The following PTPRD variants were observed in gnomAD, a reference collection of about 807,000 sequenced individuals.
PTPRD encodes the protein protein tyrosine phosphatase receptor type D.
In PTPRD, 34 loss-of-function variants were observed where a neutral mutation model predicts 214.5. The observed-to-expected ratio is 0.16, with a 90% CI of 0.12 to 0.21. PTPRD has a LOEUF of 0.21. Ranked by LOEUF, PTPRD falls within the 10% of genes least tolerant of loss-of-function variation. The pLI, the probability that PTPRD is intolerant of heterozygous loss-of-function variation, is 1.00. For synonymous variants in PTPRD, 1,128 were observed against 845.7 expected (o/e 1.33, Z -5.79); for missense variants, 2,545 against 2,398.7 (o/e 1.06, Z -1.27).
intron 5 of PTPRD, among the ~76,000 whole-genome samples, chr9:9,856,770 C>T (rs2061636823): frequency 6.6e-6 from 1 of 152,104 alleles, no homozygotes; most frequent in Admixed American, 6.6e-5. Context: ...TCTGTATTCC[C>T]CCTTCTTTCT....
intron 7 of PTPRD, among the ~76,000 whole-genome samples, chr9:9,647,156 A>C (rs1264470868): frequency 2.0e-5 from 3 of 152,048 alleles, no homozygotes; most frequent in Non-Finnish European, 2.9e-5. Flanking sequence ...GAGGTTTTAA[A>C]TCTAATTATT....
intron 2 of PTPRD, among the ~76,000 whole-genome samples, chr9:10,446,781 G>A (rs562248255): frequency 6.6e-6 from 1 of 152,186 alleles, no homozygotes; most frequent in Non-Finnish European, 1.5e-5. Context: ...AATATTACGG[G>A]TATTTAAAAG....
At chr9:9,007,097 G>C (rs143131819) in intron 11 of PTPRD, among the ~76,000 whole-genome samples, 2 of 151,954 alleles carry the variant, frequency 1.3e-5, no homozygotes, top group South Asian at 2.1e-4. Context: ...AAAATACTGT[G>C]TGTGCTCCCA....
chr9:9,781,829 G>T (rs953079228), intron 5 of PTPRD, among the ~76,000 whole-genome samples: 4 of 143,560 alleles, frequency 2.8e-5, no homozygotes, highest in Non-Finnish European at 1.5e-5. Flanking sequence ...GTCTCGCTCT[G>T]TCGCCCAGGC....
At chr9:9,426,746 T>C (rs1472899303) in intron 8 of PTPRD, among the ~76,000 whole-genome samples, 1 of 152,114 alleles carries the variant, frequency 6.6e-6, no homozygotes, top group African/African-American at 2.4e-5. Flanking sequence ...TTTGCCGTTC[T>C]GCAATATTCA....
At chr9:8,680,414 G>A (rs1161137337) in intron 12 of PTPRD, among the ~76,000 whole-genome samples, 2 of 152,130 alleles carry the variant, frequency 1.3e-5, no homozygotes, top group Non-Finnish European at 2.9e-5. Context: ...TCAGCTACTG[G>A]TGTGTCTTCT....
At chr9:9,516,371 C>T (rs896466033) in intron 8 of PTPRD, among the ~76,000 whole-genome samples, 1 of 151,940 alleles carries the variant, frequency 6.6e-6, no homozygotes, top group African/African-American at 2.4e-5. Flanking sequence ...GTTATGACAG[C>T]CTCTACGTTG....
At chr9:8,758,388 A>G (rs996603982) in intron 11 of PTPRD, among the ~76,000 whole-genome samples, 29 of 152,306 alleles carry the variant, frequency 1.9e-4, no homozygotes, top group African/African-American at 7.0e-4. Flanking sequence ...CAGGATGGGA[A>G]AAGCTGATAC....
At chr9:10,392,604 G>T (rs1051481560) in intron 2 of PTPRD, among the ~76,000 whole-genome samples, 1 of 151,844 alleles carries the variant, frequency 6.6e-6, no homozygotes, top group Non-Finnish European at 1.5e-5. Context: ...AGGAAAGATG[G>T]CTACACAATA....
intron 11 of PTPRD, among the ~76,000 whole-genome samples, chr9:8,868,365 A>AC (rs1566732077): frequency 6.6e-6 from 1 of 151,172 alleles, no homozygotes; most frequent in Non-Finnish European, 1.5e-5. Flanking sequence ...CACCTAACTA[A>AC]TTTTTTTTTG....
At chr9:10,351,560 C>A (rs948834440) in intron 2 of PTPRD, among the ~76,000 whole-genome samples, 2 of 151,870 alleles carry the variant, frequency 1.3e-5, no homozygotes, top group African/African-American at 2.4e-5. Flanking sequence ...TAGCTGGAAC[C>A]CTTAGCTTTT....
chr9:9,793,705 A>G (rs907170365), intron 5 of PTPRD, among the ~76,000 whole-genome samples: 1 of 152,102 alleles, frequency 6.6e-6, no homozygotes, highest in Non-Finnish European at 1.5e-5. Flanking sequence ...ATATTATTTT[A>G]GAAAAAAAAA....
At chr9:9,238,872 C>T (rs192781662) in intron 9 of PTPRD, among the ~76,000 whole-genome samples, 1 of 152,226 alleles carries the variant, frequency 6.6e-6, no homozygotes, top group East Asian at 1.9e-4. Context: ...TATTCAGCCC[C>T]TTATTTTGAA....
At chr9:9,470,027 A>G (rs2094482950) in intron 8 of PTPRD, among the ~76,000 whole-genome samples, 1 of 152,144 alleles carries the variant, frequency 6.6e-6, no homozygotes, top group Admixed American at 6.5e-5. Flanking sequence ...CTCCCAGAGG[A>G]CAGAAATGGT....
intron 13 of PTPRD, among the ~76,000 whole-genome samples, chr9:8,635,031 CAT>C (rs1236685007): frequency 1.4e-5 from 2 of 147,676 alleles, no homozygotes; most frequent in Non-Finnish European, 3.0e-5. Flanking sequence ...CTAGTAATAC[CAT>C]ATATATTGTT....
At chr9:10,550,620 TG>T (rs1426141663) in intron 2 of PTPRD, among the ~76,000 whole-genome samples, 3 of 152,140 alleles carry the variant, frequency 2.0e-5, no homozygotes, top group Admixed American at 6.5e-5. Context: ...TGGTTGAAAA[TG>T]GTCCTTGGGT....
chr9:8,546,076 G>T lies in PTPRD; in HGVS notation c.353-17297C>A, dbSNP rs72696623. Among the ~76,000 whole-genome samples, 493 of 152,228 alleles carry T rather than the reference G, an allele frequency of 3.2e-3. 1 individual carries two copies. The highest frequency in any genetic ancestry group is 4.0e-3 in the Non-Finnish European group (271 of 68,018). On this transcript the variant is annotated intron_variant, in intron 14 of 45. Coordinates refer to ENST00000381196, the MANE Select transcript of PTPRD (RefSeq NM_002839.4). ...AACATCTGAGATGCTTCACTTAACC[G>T]ACCACATAGTGTTGCTTTCATCTGT...
intron 11 of PTPRD, among the ~76,000 whole-genome samples, chr9:8,943,870 C>T (rs2099048301): frequency 1.3e-5 from 2 of 151,676 alleles, no homozygotes; most frequent in Non-Finnish European, 2.9e-5. Flanking sequence ...ACTCCAAAAG[C>T]ACAAGCAACC....
Position 9,779,017 on chromosome 9 carries a change from G to T in PTPRD, c.-367-12166C>A, listed in dbSNP as rs1001664265. Among the ~76,000 whole-genome samples the T allele has an allele frequency of 4.3e-5, 5 of 116,442 alleles. No individual in the cohort carries two copies. The Admixed American group carries it at 4.7e-4, about 11-fold the overall frequency. The allele number at this position is 116,442 out of a possible 152,430, so 76.4% of individuals were successfully genotyped here. ...TACAAAAACAGAGACACAGACCAGT[G>T]AAACAGAATAGAAAACTCAAAGCCT... On this transcript the variant is annotated intron_variant, in intron 5 of 45. Coordinates refer to ENST00000381196, the MANE Select transcript of PTPRD (RefSeq NM_002839.4).
Sources: allele counts gnomAD v4.1 joint callset (sites outside exome capture counted in the v4.1 genomes callset), GRCh38; gene constraint gnomAD v4.1.1; transcripts MANE v1.5; gene names NCBI Gene and HGNC (gene_info 2026-07-23, HGNC 2026-07-21).